AKAP8L: variants seen among roughly 807,000 people sequenced by gnomAD.
The protein encoded by AKAP8L is A-kinase anchor protein 8-like.
A neutral mutation model predicts 77.5 loss-of-function variants in AKAP8L; 34 were observed. The ratio of observed to expected loss-of-function variants is 0.44; its 90% CI spans 0.33 to 0.58. The LOEUF is 0.58. Ranked by LOEUF, AKAP8L falls within the 20% of genes least tolerant of loss-of-function variation. AKAP8L has a pLI of 0.02. For synonymous variants in AKAP8L, 342 were observed against 340.7 expected, an observed-to-expected ratio of 1.00 and a Z score of -0.04; for missense variants, 806 against 887.6, an observed-to-expected ratio of 0.91 and a Z score of 1.17.
At chr19:15,395,591 G>A (rs890777629) in intron 12 of AKAP8L, among the ~76,000 whole-genome samples, 3 of 151,580 alleles carry the variant, frequency 2.0e-5, no homozygotes, top group Non-Finnish European at 4.4e-5. Context: ...GGGATTACAC[G>A]CGTGAGCCAC....
chr19:15,393,859 C>T (rs1010718566), intron 12 of AKAP8L, among the ~76,000 whole-genome samples: 3 of 148,204 alleles, frequency 2.0e-5, no homozygotes, highest in Admixed American at 6.8e-5. Flanking sequence ...GCCGAGATCG[C>T]GCCATTGCAC....
chr19:15,410,318 A>G (rs1968083429), intron 2 of AKAP8L, among the ~76,000 whole-genome samples: 2 of 152,254 alleles, frequency 1.3e-5, no homozygotes, highest in African/African-American at 4.8e-5. Flanking sequence ...CTTTTATCAA[A>G]GAGCCTAACT....
chr19:15,385,246 G>C (rs926521111), intron 12 of AKAP8L, among the ~76,000 whole-genome samples: 6 of 150,982 alleles, frequency 4.0e-5, no homozygotes, highest in Non-Finnish European at 8.8e-5. Context: ...CAAAGTGCTG[G>C]GACTACAGGC....
rs547554108 is a variant in AKAP8L, at chr19:15,399,192, G to A, written c.1157+110C>T. On this transcript the variant is annotated intron_variant, in intron 9 of 13. Coordinates refer to ENST00000397410, the MANE Select transcript of AKAP8L (RefSeq NM_014371.4). This position sits in a 1 kb window ranked among gnomAD's most constrained non-coding sequence, Gnocchi z 6.1. Reference sequence around the variant, plus strand: ...GTCCATGCACGGCCGAGCAGGTGGCGGCTCCCAAGGGAGGCCAGAGGGCGG... The same window carrying A: ...GTCCATGCACGGCCGAGCAGGTGGCAGCTCCCAAGGGAGGCCAGAGGGCGG... 117 of 963,222 alleles carry A rather than the reference G, an allele frequency of 1.2e-4. No homozygotes were observed. Among genetic ancestry groups the A allele is most frequent in the African/African-American group, 7.6e-4 (48 of 62,758 alleles). 59.7% of individuals were successfully genotyped at this position (963,222 alleles called of 1,614,324 possible). A position where few individuals can be genotyped will look rare whatever the true frequency, so the allele number is the denominator to read the frequency against.
rs201351957 is a variant in AKAP8L at position 15,403,973 on chromosome 19, C to T, written c.121+37G>A. On this transcript the variant is annotated intron_variant, in intron 3 of 13. Coordinates refer to ENST00000397410, the MANE Select transcript of AKAP8L (RefSeq NM_014371.4). This position sits in a 1 kb window ranked among gnomAD's most constrained non-coding sequence, Gnocchi z 4.3. ...CAGAGAAACACAGCCAGGACAACCC[C>T]AAGGGACAGGACAGCAATCACAGGA... 2 of 1,612,478 alleles carry T rather than the reference C, an allele frequency of 1.2e-6. No homozygotes were observed. The highest frequency in any genetic ancestry group is 1.7e-6 in the Non-Finnish European group (2 of 1,178,968).
intron 1 of AKAP8L, among the ~76,000 whole-genome samples, chr19:15,414,441 C>T (rs187014056): frequency 1.2e-4 from 18 of 152,044 alleles, no homozygotes; most frequent in Admixed American, 1.2e-3. Flanking sequence ...AAAATATGCC[C>T]TATATGGCCC....
At chr19:15,411,463 C>CA (rs374029817) in intron 1 of AKAP8L, among the ~76,000 whole-genome samples, 147 of 104,210 alleles carry the variant, frequency 1.4e-3, no homozygotes, top group Middle Eastern at 5.7e-3. Context: ...CCTGTCTCTA[C>CA]AAAAAAAAAA....
rs1330337818 is a variant in AKAP8L at position 15,397,272 on chromosome 19, T to A, written c.1414A>T (p.Met472Leu). The change falls in exon 12 of 14, where the codon ATG (methionine) becomes TTG (leucine). Residue 472 changes from methionine (M) to leucine (L), a missense_variant. This residue lies in a region of AKAP8L where 580 missense variants were observed against 694.1 expected (regional missense o/e 0.84). Coordinates refer to ENST00000397410, the MANE Select transcript of AKAP8L (RefSeq NM_014371.4). The surrounding 1 kb of genome is among the most constrained non-coding windows in gnomAD (Gnocchi z 4.7). ...TCCACCTTCTTCACAAAATGCTCCA[T>A]GGCAATTTCTGTAGTGGGGAGGAGG... ...RDQDLTQEIAMEHFVKKVEAA... is the reference protein window; with the variant it reads ...RDQDLTQEIALEHFVKKVEAA... 6.2e-7 allele frequency: 1 copy of A among 1,613,818 alleles called. No individual in the cohort carries two copies. The highest frequency in any genetic ancestry group is 1.3e-5 in the African/African-American group (1 of 74,926).
rs1002938045 is a variant in AKAP8L at position 15,398,428 on chromosome 19, CAAG to C, written c.1158-576_1158-574del. 2 of 273,338 alleles carry C rather than the reference CAAG, an allele frequency of 7.3e-6. No individual in the cohort carries two copies. The highest frequency in any genetic ancestry group is 4.6e-5 in the African/African-American group (2 of 43,594). The allele number at this position is 273,338 out of a possible 1,614,324, so 16.9% of individuals were successfully genotyped here. ...CACCTGCTGCCTCATCTTCCTCTTC[CAAG>C]AAGAGACCAGTCTGAGCTGGAAGGA... On this transcript the variant is annotated intron_variant, in intron 9 of 13. Coordinates refer to ENST00000397410, the MANE Select transcript of AKAP8L (RefSeq NM_014371.4). This position sits in a 1 kb window ranked among gnomAD's most constrained non-coding sequence, Gnocchi z 9.2.
In AKAP8L at chr19:15,398,517, G is replaced by A; in HGVS notation, c.1158-662C>T. 2 of 943,966 alleles carry A rather than the reference G, an allele frequency of 2.1e-6. No individual in the cohort carries two copies. The highest frequency in any genetic ancestry group is 2.5e-6 in the Non-Finnish European group (2 of 791,594). The allele number at this position is 943,966 out of a possible 1,614,324, so 58.5% of individuals were successfully genotyped here. On this transcript the variant is annotated intron_variant, in intron 9 of 13. Coordinates refer to ENST00000397410, the MANE Select transcript of AKAP8L (RefSeq NM_014371.4). This position sits in a 1 kb window ranked among gnomAD's most constrained non-coding sequence, Gnocchi z 9.2. ...GTCACCTGGGCGAGGTGCTCTGTCT[G>A]GGCCTGGTGTCCACAGTAGAAGCCC...
rs768628854 is a variant in AKAP8L at position 15,401,409 on chromosome 19, T to A, written c.557A>T (p.Asp186Val). Reference protein sequence around the residue: ...FGPRAQGWARDARSGRPMASG... With the variant: ...FGPRAQGWARVARSGRPMASG... ...GGCCATTGGCCGGCCGCTCCGGGCA[T>A]CCCGGGCCCAGCCCTGTGCCCTGGG... Residue 186 changes from aspartate to valine, a missense_variant, in exon 5 of 14, where the codon GAT becomes GTT. By Grantham distance (152) the Asp-to-Val change is radical. This residue lies in a region of AKAP8L where 580 missense variants were observed against 694.1 expected (regional missense o/e 0.84). Coordinates refer to ENST00000397410, the MANE Select transcript of AKAP8L (RefSeq NM_014371.4). This position sits in a 1 kb window ranked among gnomAD's most constrained non-coding sequence, Gnocchi z 6.2. The A allele has an allele frequency of 2.5e-6, 4 of 1,613,228 alleles. No individual in the cohort carries two copies. In the East Asian group the frequency reaches 6.7e-5, roughly 27 times the overall value.
chr19:15,397,359 A>G lies in AKAP8L; in HGVS notation c.1406-79T>C. The G allele has an allele frequency of 1.9e-6, 3 of 1,564,538 alleles. No individual in the cohort carries two copies. The highest frequency in any genetic ancestry group is 2.6e-6 in the Non-Finnish European group (3 of 1,147,944). On this transcript the variant is annotated intron_variant, in intron 11 of 13. Coordinates refer to ENST00000397410, the MANE Select transcript of AKAP8L (RefSeq NM_014371.4). The surrounding 1 kb of genome is among the most constrained non-coding windows in gnomAD (Gnocchi z 4.7). ...AGGTGTTCGAGAAAAAAACCACACC[A>G]GCTCCTCCTCAACTCGCCCTGCCAC... is the stretch of plus-strand genomic sequence containing the variant.
chr19:15,411,908 G>A (rs942205354), intron 1 of AKAP8L, among the ~76,000 whole-genome samples: 1 of 151,940 alleles, frequency 6.6e-6, no homozygotes, highest in Non-Finnish European at 1.5e-5. Context: ...ACAAAAATTA[G>A]CTACTAAAAA....
intron 2 of AKAP8L, chr19:15,404,364 T>C (rs1967958253): frequency 3.0e-6 from 1 of 331,070 alleles, no homozygotes; most frequent in Non-Finnish European, 5.6e-6. Context: ...TAAGTGCTAA[T>C]CAGTTTATAG....
intron 12 of AKAP8L, among the ~76,000 whole-genome samples, chr19:15,396,266 C>T (rs926993987): frequency 1.3e-5 from 2 of 152,100 alleles, no homozygotes; most frequent in Admixed American, 6.6e-5. Flanking sequence ...CACCACCCTC[C>T]TCCAGGGTGA....
At chr19:15,390,290 A>G (rs577697188) in intron 12 of AKAP8L, among the ~76,000 whole-genome samples, 1 of 151,930 alleles carries the variant, frequency 6.6e-6, no homozygotes, top group Non-Finnish European at 1.5e-5. Flanking sequence ...GATGTCACAC[A>G]TGCCTTTAGT....
chr19:15,387,982 G>A (rs977356757), intron 12 of AKAP8L, among the ~76,000 whole-genome samples: 1 of 151,648 alleles, frequency 6.6e-6, no homozygotes, highest in African/African-American at 2.4e-5. Flanking sequence ...GGGAGGGGAG[G>A]GGAAAAAAAT....
At position 15,399,025 on chromosome 19, in the gene AKAP8L, CGA is replaced by C; in HGVS notation, c.1157+275_1157+276del. 1 of 468,640 alleles carries C rather than the reference CGA, an allele frequency of 2.1e-6. No homozygotes were observed. 29.0% of individuals were successfully genotyped at this position (468,640 alleles called of 1,614,324 possible). A position where few individuals can be genotyped will look rare whatever the true frequency, so the allele number is the denominator to read the frequency against. Reference sequence around the variant, plus strand: ...CCAGTGCACCTTGGGGTTCGTGCGCCGAGTGACCTAGCGCCAGAGCTTCTGAG... The same window carrying C: ...CCAGTGCACCTTGGGGTTCGTGCGCCGTGACCTAGCGCCAGAGCTTCTGAG... On this transcript the variant is annotated intron_variant, in intron 9 of 13. Transcript: ENST00000397410. The surrounding 1 kb of genome is among the most constrained non-coding windows in gnomAD (Gnocchi z 6.1).
chr19:15,415,196 G>T (rs1433729951), intron 1 of AKAP8L, among the ~76,000 whole-genome samples: 1 of 152,146 alleles, frequency 6.6e-6, no homozygotes, highest in Middle Eastern at 3.2e-3. Context: ...TACTTTGGGA[G>T]GCTGAGTTGG....
Sources: allele counts gnomAD v4.1 joint callset (sites outside exome capture counted in the v4.1 genomes callset), GRCh38; gene constraint gnomAD v4.1.1; regional missense constraint gnomAD v4.1.1; non-coding constraint Gnocchi (gnomAD v3.1); transcripts MANE v1.5; gene names NCBI Gene and HGNC (gene_info 2026-07-23, HGNC 2026-07-21).